TMEM232: variants seen among roughly 807,000 people sequenced by gnomAD.
TMEM232 encodes the protein transmembrane protein 232.
A neutral mutation model predicts 78.8 loss-of-function variants in TMEM232; 80 were observed. The observed-to-expected ratio is 1.01, with a 90% confidence interval of 0.85 to 1.22. TMEM232 has a LOEUF of 1.22. Ranked by LOEUF, TMEM232 falls within the 50% of genes most tolerant of loss-of-function variation. TMEM232 has a pLI of 0.00. For missense variants in TMEM232, 881 were observed against 742.2 expected (o/e 1.19, Z -2.17); for synonymous variants, 297 against 254.3 (o/e 1.17, Z -1.60).
intron 12 of TMEM232, among the ~76,000 whole-genome samples, chr5:110,508,716 C>A (rs147913702): frequency 2.7e-5 from 4 of 149,866 alleles, no homozygotes; most frequent in Non-Finnish European, 5.9e-5. Flanking sequence ...TTCCCTTTCA[C>A]GAATGAAAAG....
At chr5:110,668,396 C>T (rs1263601155) in intron 1 of TMEM232, among the ~76,000 whole-genome samples, 1 of 152,166 alleles carries the variant, frequency 6.6e-6, no homozygotes, top group African/African-American at 2.4e-5. Flanking sequence ...ACTCCAATCT[C>T]ACTCTCCTTG....
intron 2 of TMEM232, among the ~76,000 whole-genome samples, chr5:110,644,957 T>C (rs1262398863): frequency 6.6e-6 from 1 of 151,628 alleles, no homozygotes; most frequent in Non-Finnish European, 1.5e-5. Context: ...TGACCAATTA[T>C]ATACCAACAA....
intron 10 of TMEM232, among the ~76,000 whole-genome samples, chr5:110,580,858 G>C (rs1312519574): frequency 6.6e-6 from 1 of 151,344 alleles, no homozygotes; most frequent in African/African-American, 2.4e-5. Flanking sequence ...ACAGTGGAAT[G>C]AAACTACCAA....
At chr5:110,592,217 C>A (rs987134855) in intron 10 of TMEM232, among the ~76,000 whole-genome samples, 3 of 152,066 alleles carry the variant, frequency 2.0e-5, no homozygotes, top group African/African-American at 7.2e-5. Flanking sequence ...AAGCGGAAAT[C>A]AAAAGTTGAC....
intron 1 of TMEM232, among the ~76,000 whole-genome samples, chr5:110,676,230 T>A (rs113694874): frequency 6.6e-6 from 1 of 152,214 alleles, no homozygotes; most frequent in African/African-American, 2.4e-5. Context: ...GCAATGAACA[T>A]GGGAGTGCAG....
chr5:110,549,116 A>T (rs540534267), intron 11 of TMEM232, among the ~76,000 whole-genome samples: 1 of 152,284 alleles, frequency 6.6e-6, no homozygotes, highest in South Asian at 2.1e-4. Flanking sequence ...TACTAAAATT[A>T]CATGTGAAAG....
chr5:110,657,349 A>G (rs1347154952), intron 2 of TMEM232, among the ~76,000 whole-genome samples: 3 of 151,570 alleles, frequency 2.0e-5, no homozygotes, highest in Non-Finnish European at 4.4e-5. Context: ...GAATCAACCT[A>G]TATGTGCATC....
At chr5:110,536,172 G>C (rs958610688) in intron 11 of TMEM232, among the ~76,000 whole-genome samples, 7 of 152,098 alleles carry the variant, frequency 4.6e-5, no homozygotes, top group African/African-American at 1.7e-4. Flanking sequence ...CCTAAACACA[G>C]AGGCAACTGC....
intron 1 of TMEM232, among the ~76,000 whole-genome samples, chr5:110,700,507 G>A (rs1795303407): frequency 6.6e-6 from 1 of 152,040 alleles, no homozygotes; most frequent in Non-Finnish European, 1.5e-5. Flanking sequence ...GGTCAGATAT[G>A]CAGATCAAAA....
intron 2 of TMEM232, among the ~76,000 whole-genome samples, chr5:110,662,240 T>C (rs1220510602): frequency 2.0e-5 from 3 of 152,114 alleles, no homozygotes; most frequent in East Asian, 3.8e-4. Context: ...ATAAATGGCA[T>C]GAAAAATACT....
intron 10 of TMEM232, among the ~76,000 whole-genome samples, 168 bp from the exon 11 acceptor site, chr5:110,568,793 C>T (rs985304490): frequency 2.0e-5 from 3 of 151,918 alleles, no homozygotes; most frequent in Non-Finnish European, 2.9e-5. Flanking sequence ...CTCTCCTTTA[C>T]ATTTAAAACA....
intron 10 of TMEM232, among the ~76,000 whole-genome samples, chr5:110,602,146 C>G (rs916340110): frequency 6.6e-6 from 1 of 152,066 alleles, no homozygotes; most frequent in Non-Finnish European, 1.5e-5. Context: ...AAAATTAACT[C>G]AAGATGAGTT....
intron 10 of TMEM232, among the ~76,000 whole-genome samples, chr5:110,579,210 G>A (rs1453548366): frequency 8.6e-5 from 13 of 150,598 alleles, no homozygotes; most frequent in African/African-American, 2.7e-4. Context: ...TCAAAGGGAT[G>A]GAAGAAAAAA....
chr5:110,452,250 G>GGTAAAAT (rs1480503042), intron 12 of TMEM232, among the ~76,000 whole-genome samples: 9 of 152,060 alleles, frequency 5.9e-5, no homozygotes, highest in Admixed American at 1.3e-4. Flanking sequence ...ATATTGGGTG[G>GGTAAAAT]GTAAAATGTA....
intron 12 of TMEM232, among the ~76,000 whole-genome samples, chr5:110,476,180 G>T (rs1376141161): frequency 6.6e-6 from 1 of 151,910 alleles, no homozygotes; most frequent in Non-Finnish European, 1.5e-5. Context: ...ATATTCTGCA[G>T]CCCTAATTCA....
At chr5:110,562,085 T>G (rs1034197594) in intron 11 of TMEM232, among the ~76,000 whole-genome samples, 4 of 152,088 alleles carry the variant, frequency 2.6e-5, no homozygotes, top group Admixed American at 6.6e-5. Context: ...TCCAAAGCAA[T>G]AATTCATTAT....
Position 110,645,761 on chromosome 5 carries a change from T to C in TMEM232, c.126-3390A>G, listed in dbSNP as rs115876398. On this transcript the variant is annotated intron_variant, in intron 2 of 13. Transcript: ENST00000455884. ...AATAAATAAATAAAAGGCATCCAAATTGGAAAAGAAGAAAATTATCACTTC... is the reference window on the plus strand; with the variant it reads ...AATAAATAAATAAAAGGCATCCAAACTGGAAAAGAAGAAAATTATCACTTC... 7.5e-3 allele frequency among the ~76,000 whole-genome samples: 1,130 copies of C among 151,674 alleles called. 14 individuals carry two copies. The highest frequency in any genetic ancestry group is 0.025 in the African/African-American group (1,051 of 41,498).
At chr5:110,626,772 TG>T (rs1784478698) in intron 6 of TMEM232, among the ~76,000 whole-genome samples, 1 of 152,118 alleles carries the variant, frequency 6.6e-6, no homozygotes, top group African/African-American at 2.4e-5. Flanking sequence ...ATTTTCTGAT[TG>T]TAGAAACTCA....
At chr5:110,587,216 A>G (rs1209109294) in intron 10 of TMEM232, among the ~76,000 whole-genome samples, 3 of 151,816 alleles carry the variant, frequency 2.0e-5, no homozygotes, top group African/African-American at 7.3e-5. Flanking sequence ...ACACCCAGAG[A>G]CACACACACA....
Sources: allele counts gnomAD v4.1 joint callset (sites outside exome capture counted in the v4.1 genomes callset), GRCh38; gene constraint gnomAD v4.1.1; transcripts MANE v1.5; gene names NCBI Gene and HGNC (gene_info 2026-07-23, HGNC 2026-07-21).